The following EXOC4 variants were observed in gnomAD, a reference collection of about 807,000 sequenced individuals.
EXOC4 encodes the protein exocyst complex component 4.
EXOC4 carries 71 observed loss-of-function variants against 107.2 expected under a neutral mutation model. The ratio of observed to expected loss-of-function variants is 0.66; its 90% CI spans 0.55 to 0.81. The LOEUF is 0.81. EXOC4 is among the 30% of genes least tolerant of loss of function. EXOC4 has a pLI of 0.00. For synonymous variants in EXOC4, 456 were observed against 441.2 expected, an observed-to-expected ratio of 1.03 and a Z score of -0.42; for missense variants, 1,108 against 1,189.6, an observed-to-expected ratio of 0.93 and a Z score of 1.01.
chr7:133,656,070 G>A (rs1034724489), intron 10 of EXOC4, among the ~76,000 whole-genome samples: 5 of 151,948 alleles, frequency 3.3e-5, no homozygotes, highest in African/African-American at 9.7e-5. Context: ...GAATCGTATT[G>A]GACCACCATG....
chr7:133,983,304 A>G (rs938648967), intron 14 of EXOC4, among the ~76,000 whole-genome samples: 6 of 152,164 alleles, frequency 3.9e-5, no homozygotes, highest in Admixed American at 3.9e-4. Context: ...TAGAGAGGAC[A>G]CCTTTCCAAA....
intron 9 of EXOC4, among the ~76,000 whole-genome samples, chr7:133,596,430 A>T (rs919101099): frequency 1.1e-4 from 17 of 152,182 alleles, no homozygotes; most frequent in African/African-American, 4.1e-4. Flanking sequence ...TCCTGCTTTA[A>T]ACTCCCGTTC....
chr7:133,758,177 G>A (rs1468207863), intron 10 of EXOC4, among the ~76,000 whole-genome samples: 2 of 152,016 alleles, frequency 1.3e-5, no homozygotes, highest in African/African-American at 2.4e-5. Flanking sequence ...ATGGAGTCTC[G>A]CTCTGTTGCC....
At chr7:133,290,312 A>C (rs959947454) in intron 3 of EXOC4, among the ~76,000 whole-genome samples, 1 of 152,148 alleles carries the variant, frequency 6.6e-6, no homozygotes, top group Non-Finnish European at 1.5e-5. Flanking sequence ...AACCCCAATA[A>C]ACAACAAAAA....
chr7:133,729,662 G>T (rs571393292), intron 10 of EXOC4, among the ~76,000 whole-genome samples: 2 of 152,024 alleles, frequency 1.3e-5, no homozygotes, highest in African/African-American at 4.8e-5. Context: ...TTCAAAGATG[G>T]TAAGACTTCT....
At chr7:133,421,697 T>A (rs1797610996) in intron 7 of EXOC4, among the ~76,000 whole-genome samples, 1 of 152,180 alleles carries the variant, frequency 6.6e-6, no homozygotes, top group African/African-American at 2.4e-5. Flanking sequence ...TTCAAGCTAT[T>A]TTGAGTTGTT....
chr7:133,719,568 G>A (rs1368611561), intron 10 of EXOC4, among the ~76,000 whole-genome samples: 2 of 151,646 alleles, frequency 1.3e-5, no homozygotes, highest in African/African-American at 4.9e-5. Flanking sequence ...TAGTTGCAGT[G>A]TGCCTCAGAC....
chr7:133,662,261 A>G (rs1217085644), intron 10 of EXOC4, among the ~76,000 whole-genome samples: 1 of 152,172 alleles, frequency 6.6e-6, no homozygotes, highest in Non-Finnish European at 1.5e-5. Context: ...TTAATCTTAG[A>G]ACATACCCGT....
chr7:134,093,134 A>T, the EXOC4 span, among the ~76,000 whole-genome samples: 1 of 152,090 alleles, frequency 6.6e-6, no homozygotes. Flanking sequence ...CATTGGATTA[A>T]AAAAACAAGA....
intron 11 of EXOC4, among the ~76,000 whole-genome samples, chr7:133,822,443 A>G (rs1180919510): frequency 4.6e-5 from 7 of 152,184 alleles, no homozygotes; most frequent in Admixed American, 4.6e-4. Context: ...CAAATTGCTG[A>G]ATAGGCAACT....
intron 11 of EXOC4, among the ~76,000 whole-genome samples, chr7:133,877,163 G>A (rs1255247445): frequency 6.6e-6 from 1 of 151,124 alleles, no homozygotes; most frequent in Non-Finnish European, 1.5e-5. Flanking sequence ...TCCTGTTTCT[G>A]CCGTGTTTAT....
chr7:134,024,063 C>G (rs1456147773), intron 17 of EXOC4, among the ~76,000 whole-genome samples: 1 of 152,144 alleles, frequency 6.6e-6, no homozygotes, highest in Non-Finnish European at 1.5e-5. Flanking sequence ...GAGAATGAGT[C>G]CACCAAGTAC....
chr7:133,755,097 A>G (rs1246887981), intron 10 of EXOC4, among the ~76,000 whole-genome samples: 5 of 150,998 alleles, frequency 3.3e-5, no homozygotes, highest in African/African-American at 9.7e-5. Context: ...AAAGACCAAC[A>G]GAAAATAAGT....
intron 17 of EXOC4, among the ~76,000 whole-genome samples, chr7:134,034,011 T>C (rs1243452338): frequency 6.6e-6 from 1 of 152,228 alleles, no homozygotes; most frequent in African/African-American, 2.4e-5. Context: ...TCTAGGGAAC[T>C]TTTTGAGAAT....
intron 10 of EXOC4, among the ~76,000 whole-genome samples, chr7:133,689,339 G>A (rs1188083391): frequency 6.6e-6 from 1 of 152,140 alleles, no homozygotes; most frequent in Non-Finnish European, 1.5e-5. Context: ...GTTAATTCAT[G>A]ATACCTGTTA....
chr7:134,082,661 A>G, the EXOC4 span, among the ~76,000 whole-genome samples: 1 of 152,076 alleles, frequency 6.6e-6, no homozygotes, highest in Admixed American at 6.5e-5. Flanking sequence ...GGATGGTCTC[A>G]ATATTCTGAC....
At chr7:133,486,184 C>T (rs576392667) in intron 9 of EXOC4, among the ~76,000 whole-genome samples, 1 of 152,102 alleles carries the variant, frequency 6.6e-6, no homozygotes, top group South Asian at 2.1e-4. Context: ...ACTGGCCTAA[C>T]CTGAATTTTC....
intron 9 of EXOC4, among the ~76,000 whole-genome samples, chr7:133,493,218 A>G (rs1584957126): frequency 6.6e-6 from 1 of 152,316 alleles, no homozygotes; most frequent in Non-Finnish European, 1.5e-5. Context: ...TGAGGTCAGC[A>G]GTTTGAGACC....
intron 2 of EXOC4, among the ~76,000 whole-genome samples, chr7:133,288,563 G>A (rs924055050): frequency 6.6e-6 from 1 of 152,122 alleles, no homozygotes; most frequent in Admixed American, 6.6e-5. Flanking sequence ...ATTGGGGAAG[G>A]TATAATAGCA....
Sources: gnomAD v4.1 joint callset for allele counts (sites outside exome capture counted in the v4.1 genomes callset) on GRCh38, gnomAD v4.1.1 for gene constraint, MANE v1.5 for transcripts, NCBI Gene and HGNC (gene_info 2026-07-23, HGNC 2026-07-21) for gene names.